The following DCPS variants were observed in gnomAD, a reference collection of about 807,000 sequenced individuals.
DCPS encodes the protein decapping enzyme, scavenger, also known as m7GpppX diphosphatase.
Under a neutral mutation model 34.7 loss-of-function variants are expected in DCPS, and 27 were observed. That is an observed-to-expected ratio of 0.78 (90% confidence interval 0.57 to 1.07). The LOEUF (loss-of-function observed/expected upper bound fraction) is 1.07, where lower values mean the gene tolerates loss of function less well. DCPS is among the 50% of genes least tolerant of loss of function. The pLI is 0.00. For missense variants in DCPS, 464 were observed against 436.9 expected (o/e 1.06, Z -0.55); for synonymous variants, 185 against 185.7 (o/e 1.00, Z 0.03).
Position 126,345,523 on chromosome 11 carries a change from C to T in DCPS, c.924C>T (p.Asp308=). ...AGGTGATCGAGAACTTGGAGTGTGA[C>T]CCTAGGCACTACCAGCAGCGCACGC... ...LAEVIENLEC[D]PRHYQQRTLT... is the part of the protein sequence containing the mutation. The change falls in exon 6 of 6, where the codon GAC becomes GAT. Residue 308 remains aspartate, a synonymous_variant. Transcript: ENST00000263579. This position sits in a 1 kb window ranked among gnomAD's most constrained non-coding sequence, Gnocchi z 7.4. The T allele has an allele frequency of 1.2e-6, 2 of 1,614,080 alleles. No homozygotes were observed. Among genetic ancestry groups the T allele is most frequent in the Non-Finnish European group, 1.7e-6 (2 of 1,180,036 alleles).
Position 126,331,534 on chromosome 11 carries a change from A to G in DCPS, c.506A>G (p.Gln169Arg). ...ATTACTTTACCCCACCTGGAGTCCC[A>G]GAGCCTCAGCATCCAGGTGACTGGC... is the stretch of plus-strand genomic sequence containing the variant. Reference protein sequence around the residue: ...RNITLPHLESQSLSIQWVYNI... With the variant: ...RNITLPHLESRSLSIQWVYNI... The change falls in exon 3 of 6, where the codon CAG becomes CGG. Residue 169 changes from glutamine to arginine, a missense_variant. Physicochemically the swap from Gln to Arg is conservative, Grantham distance 43. Transcript: ENST00000263579. The surrounding 1 kb of genome is among the most constrained non-coding windows in gnomAD (Gnocchi z 7.2). 1 of 1,614,094 alleles carries G rather than the reference A, an allele frequency of 6.2e-7. No homozygotes were observed. Among genetic ancestry groups the G allele is most frequent in the Non-Finnish European group, 8.5e-7 (1 of 1,180,006 alleles).
rs143294413 is a variant in DCPS, at chr11:126,345,553, C to T, written c.954C>T (p.Thr318=). Residue 318 remains threonine (T), a synonymous_variant, in exon 6 of 6, where the codon ACC becomes ACT. Coordinates refer to ENST00000263579, the MANE Select transcript of DCPS (RefSeq NM_014026.6). The surrounding 1 kb of genome is among the most constrained non-coding windows in gnomAD (Gnocchi z 7.4). ...DPRHYQQRTL[T]FALRADDPLL... is the part of the protein sequence containing the mutation. ...GGCACTACCAGCAGCGCACGCTCACCTTCGCCCTCAGGGCTGACGACCCCC... is the reference window on the plus strand; with the variant it reads ...GGCACTACCAGCAGCGCACGCTCACTTTCGCCCTCAGGGCTGACGACCCCC... 97 of 1,613,996 alleles carry T rather than the reference C, an allele frequency of 6.0e-5. No individual in the cohort carries two copies. The African/African-American group carries it at 1.2e-3, about 19-fold the overall frequency.
intron 4 of DCPS, among the ~76,000 whole-genome samples, chr11:126,339,812 T>A (rs1415083618): frequency 6.6e-6 from 1 of 152,170 alleles, no homozygotes; most frequent in Non-Finnish European, 1.5e-5. Flanking sequence ...TGTCTCAAAC[T>A]GAGTGGTGGC....
chr11:126,340,959 G>T (rs1370849596), intron 4 of DCPS: 1 of 152,074 alleles, frequency 6.6e-6, no homozygotes, highest in Admixed American at 6.5e-5. Context: ...CAGTACAGAG[G>T]ATATTCAGTG....
chr11:126,307,720 A>G (rs2135308365), intron 2 of DCPS, among the ~76,000 whole-genome samples: 1 of 152,316 alleles, frequency 6.6e-6, no homozygotes, highest in East Asian at 1.9e-4. Flanking sequence ...ATAATAGATT[A>G]ATCTACTAAT....
rs921842124 is a variant in DCPS at position 126,332,781 on chromosome 11, T to C, written c.522+1231T>C. On this transcript the variant is annotated intron_variant, in intron 3 of 5. Transcript: ENST00000263579. This position sits in a 1 kb window ranked among gnomAD's most constrained non-coding sequence, Gnocchi z 5.4. ...GCTGACTTGTTTGTTGTTGTTGTTG[T>C]TGTTTGTTTGTTTGTTTTTAAAGTC... Among the ~76,000 whole-genome samples the C allele has an allele frequency of 6.6e-6, 1 of 151,736 alleles. No individual in the cohort carries two copies. Among genetic ancestry groups the C allele is most frequent in the African/African-American group, 2.4e-5 (1 of 41,054 alleles).
Position 126,346,770 on chromosome 11 carries a change from G to A in DCPS, c.*1157G>A, listed in dbSNP as rs375169000. Among the ~76,000 whole-genome samples the A allele has an allele frequency of 6.6e-6, 1 of 152,200 alleles. No homozygotes were observed. The highest frequency in any genetic ancestry group is 2.4e-5 in the African/African-American group (1 of 41,454). On this transcript the variant is annotated 3_prime_UTR_variant, in exon 6 of 6. Transcript: ENST00000263579. This position sits in a 1 kb window ranked among gnomAD's most constrained non-coding sequence, Gnocchi z 4.1. ...TCTCCATCCCCTGCCTGAGAACCAG[G>A]AAGCCTCATTCAGAGATTAGCCCCT... is the stretch of plus-strand genomic sequence containing the variant.
In DCPS at chr11:126,319,634, C is replaced by T. The variant is rs1951688883; in HGVS notation, c.377-11771C>T. Among the ~76,000 whole-genome samples, 1 of 152,114 alleles carries T rather than the reference C, an allele frequency of 6.6e-6. No homozygotes were observed. The highest frequency in any genetic ancestry group is 1.5e-5 in the Non-Finnish European group (1 of 68,026). ...CACTTGCTCTGGCACCTCATTTTGC[C>T]CTCTGGTTTCGCTGACAGCTGTTTA... On this transcript the variant is annotated intron_variant, in intron 2 of 5. Coordinates refer to ENST00000263579, the MANE Select transcript of DCPS (RefSeq NM_014026.6). This position sits in a 1 kb window ranked among gnomAD's most constrained non-coding sequence, Gnocchi z 4.5.
chr11:126,315,219 C>G lies in DCPS; in HGVS notation c.376+8475C>G, dbSNP rs528536720. On this transcript the variant is annotated intron_variant, in intron 2 of 5. Coordinates refer to ENST00000263579, the MANE Select transcript of DCPS (RefSeq NM_014026.6). This position sits in a 1 kb window ranked among gnomAD's most constrained non-coding sequence, Gnocchi z 6.1. ...CGAGACAATTTACCTGTAAACAAAG[C>G]TGTACATGTACCCTTTAACCTAAAA... Among the ~76,000 whole-genome samples the G allele has an allele frequency of 1.2e-4, 19 of 152,120 alleles. No individual in the cohort carries two copies. The highest frequency in any genetic ancestry group is 3.1e-4 in the African/African-American group (13 of 41,434).
chr11:126,336,623 G>T lies in DCPS; in HGVS notation c.523-1663G>T, dbSNP rs772071231. ...GTGGGGAGGCCTGCTTATGGGGTGCGTTGGGGCTGTCTGTAGGGAATGCCG... is the reference window on the plus strand; with the variant it reads ...GTGGGGAGGCCTGCTTATGGGGTGCTTTGGGGCTGTCTGTAGGGAATGCCG... On this transcript the variant is annotated intron_variant, in intron 3 of 5. Transcript: ENST00000263579. The surrounding 1 kb of genome is among the most constrained non-coding windows in gnomAD (Gnocchi z 6.3). The T allele has an allele frequency of 6.6e-6, 1 of 152,304 alleles. No homozygotes were observed. Among genetic ancestry groups the T allele is most frequent in the African/African-American group, 2.4e-5 (1 of 41,452 alleles). 9.4% of individuals were successfully genotyped at this position (152,304 alleles called of 1,614,324 possible). A position where few individuals can be genotyped will look rare whatever the true frequency, so the allele number is the denominator to read the frequency against.
intron 1 of DCPS, among the ~76,000 whole-genome samples, chr11:126,304,643 G>A (rs1951548347): frequency 6.6e-6 from 1 of 152,164 alleles, no homozygotes; most frequent in Non-Finnish European, 1.5e-5. Flanking sequence ...ATCCCTGTCC[G>A]TGGAAACGAC....
At chr11:126,318,172 C>G (rs1475368978) in intron 2 of DCPS, among the ~76,000 whole-genome samples, 1 of 152,194 alleles carries the variant, frequency 6.6e-6, no homozygotes, top group Non-Finnish European at 1.5e-5. Flanking sequence ...TCCTCTGTCT[C>G]TAATAGCAGC....
chr11:126,349,275 G>A lies in DCPS; in HGVS notation c.*3662G>A, dbSNP rs961744593. Among the ~76,000 whole-genome samples, 1 of 152,236 alleles carries A rather than the reference G, an allele frequency of 6.6e-6. No homozygotes were observed. Among genetic ancestry groups the A allele is most frequent in the Non-Finnish European group, 1.5e-5 (1 of 68,048 alleles). On this transcript the variant is annotated 3_prime_UTR_variant, in exon 6 of 6. Transcript: ENST00000263579. This position sits in a 1 kb window ranked among gnomAD's most constrained non-coding sequence, Gnocchi z 5.4. ...CAGAGTGCCTCATGTGTTGAACTGT[G>A]TGCCCTCAGAAGCATGCCATGCCCC...
In DCPS at chr11:126,322,838, A is replaced by C. The variant is rs544536957; in HGVS notation, c.377-8567A>C. Among the ~76,000 whole-genome samples, 92 of 152,096 alleles carry C rather than the reference A, an allele frequency of 6.0e-4. No homozygotes were observed. The highest frequency in any genetic ancestry group is 2.2e-3 in the African/African-American group (90 of 41,484). On this transcript the variant is annotated intron_variant, in intron 2 of 5. Transcript: ENST00000263579. The surrounding 1 kb of genome is among the most constrained non-coding windows in gnomAD (Gnocchi z 4.2). ...AAAATTCTTTAGCAAGAAGCAAAAA[A>C]ATTTTTTTGAGACAATGTCTCACTT...
rs1020164299 is a variant in DCPS, at chr11:126,345,577, C to T, written c.978C>T (p.Pro326=). ...CCTTCGCCCTCAGGGCTGACGACCC[C>T]CTGCTCAAGCTCTTGCAGGAGGCTC... ...TLTFALRADD[P]LLKLLQEAQQ... The change falls in exon 6 of 6, where the codon CCC becomes CCT. Residue 326 remains proline, a synonymous_variant. Transcript: ENST00000263579. This position sits in a 1 kb window ranked among gnomAD's most constrained non-coding sequence, Gnocchi z 7.4. 2 of 1,613,680 alleles carry T rather than the reference C, an allele frequency of 1.2e-6. No individual in the cohort carries two copies. The highest frequency in any genetic ancestry group is 1.3e-5 in the African/African-American group (1 of 75,050).
chr11:126,330,205 G>T (rs1951772157), intron 2 of DCPS, among the ~76,000 whole-genome samples: 1 of 152,070 alleles, frequency 6.6e-6, no homozygotes, highest in Admixed American at 6.6e-5. Context: ...GGACACATTG[G>T]CAATGTCTGG....
rs745693090 is a variant in DCPS at position 126,320,541 on chromosome 11, G to A, written c.377-10864G>A. On this transcript the variant is annotated intron_variant, in intron 2 of 5. Coordinates refer to ENST00000263579, the MANE Select transcript of DCPS (RefSeq NM_014026.6). The surrounding 1 kb of genome is among the most constrained non-coding windows in gnomAD (Gnocchi z 4.7). ...ACAAGGGCGGGGTGCAGTGGCTCAT[G>A]CCCCTAATCCCAACACATTGGGAGG... 6.6e-6 allele frequency among the ~76,000 whole-genome samples: 1 copy of A among 152,148 alleles called. No homozygotes were observed. Among genetic ancestry groups the A allele is most frequent in the Non-Finnish European group, 1.5e-5 (1 of 68,026 alleles).
In DCPS at chr11:126,323,074, CCT is replaced by C. The variant is rs565411112; in HGVS notation, c.377-8330_377-8329del. The stretch of plus-strand genomic sequence containing the variant: ...ACTCCTGGGCTCAATAGATTTCCCC[CCT>C]GTTTCAGCCTCCCAAAGTGTTGGGA... On this transcript the variant is annotated intron_variant, in intron 2 of 5. Transcript: ENST00000263579. This position sits in a 1 kb window ranked among gnomAD's most constrained non-coding sequence, Gnocchi z 4.4. 1.6e-3 allele frequency among the ~76,000 whole-genome samples: 245 copies of C among 152,202 alleles called. No individual in the cohort carries two copies. The highest frequency in any genetic ancestry group is 0.01 in the East Asian group (52 of 5,170).
chr11:126,330,812 C>T (rs1023051047), intron 2 of DCPS, among the ~76,000 whole-genome samples: 2 of 138,274 alleles, frequency 1.4e-5, no homozygotes, highest in African/African-American at 5.3e-5. Context: ...TCTGGGCTCA[C>T]TGCAACCTCT....
Sources: gnomAD v4.1 joint callset for allele counts (sites outside exome capture counted in the v4.1 genomes callset) on GRCh38, gnomAD v4.1.1 for gene constraint, Gnocchi (gnomAD v3.1) non-coding constraint, MANE v1.5 for transcripts, NCBI Gene and HGNC (gene_info 2026-07-23, HGNC 2026-07-21) for gene names.